FRMD6: variants seen among roughly 807,000 people sequenced by gnomAD.
FRMD6 encodes the protein FERM domain-containing protein 6.
A neutral mutation model predicts 73.2 loss-of-function variants in FRMD6; 37 were observed. That is an observed-to-expected ratio of 0.51 (90% CI 0.39 to 0.66). The LOEUF (loss-of-function observed/expected upper bound fraction) is 0.66. FRMD6 is among the 30% of genes least tolerant of loss of function. The probability of loss-of-function intolerance (pLI) is 0.00; values close to 1 mark genes in which losing one functional copy is unlikely to be tolerated. For missense variants in FRMD6, 714 were observed against 780.5 expected (o/e 0.91, Z 1.02); for synonymous variants, 273 against 282.2 (o/e 0.97, Z 0.33).
At chr14:51,433,500 A>T in the FRMD6 span, among the ~76,000 whole-genome samples, 1 of 152,264 alleles carries the variant, frequency 6.6e-6, no homozygotes, top group Non-Finnish European at 1.5e-5. Flanking sequence ...AAAAGCTCAT[A>T]TCATACTAAA....
At chr14:51,503,855 G>GTT (rs113090830) in intron 1 of FRMD6, among the ~76,000 whole-genome samples, 1 of 147,094 alleles carries the variant, frequency 6.8e-6, no homozygotes, top group Non-Finnish European at 1.5e-5. Context: ...TTGGTTTTGG[G>GTT]TTTTTTTTTG....
the FRMD6 span, among the ~76,000 whole-genome samples, chr14:51,398,386 G>A: frequency 1.3e-5 from 2 of 152,092 alleles, no homozygotes; most frequent in Non-Finnish European, 2.9e-5. Flanking sequence ...ACAAGGCAAA[G>A]CCAATTTTCT....
intron 2 of FRMD6, among the ~76,000 whole-genome samples, chr14:51,615,161 T>A (rs988721065): frequency 6.6e-6 from 1 of 152,200 alleles, no homozygotes; most frequent in Admixed American, 6.5e-5. Flanking sequence ...TAGTCCAGCC[T>A]GTTCTAGCTG....
intron 1 of FRMD6, among the ~76,000 whole-genome samples, chr14:51,525,070 AATAGATAGATAGATAGATAG>A (rs75865493): frequency 3.4e-4 from 35 of 102,020 alleles, no homozygotes; most frequent in African/African-American, 1.3e-3. Flanking sequence ...AGACAAATAG[AATAGATAGATAGATAGATAG>A]ATAGATAGAT....
At chr14:51,436,478 A>T in the FRMD6 span, 3 of 615,864 alleles carry the variant, frequency 4.9e-6, no homozygotes, top group South Asian at 4.8e-5. Context: ...CTTACTTTGG[A>T]AATAAAATTC....
the FRMD6 span, among the ~76,000 whole-genome samples, chr14:51,444,139 G>T: frequency 1.3e-5 from 2 of 152,164 alleles, no homozygotes; most frequent in Admixed American, 1.3e-4. Flanking sequence ...ATGTTGACCA[G>T]GCTGGTCTCG....
At chr14:51,610,175 C>G (rs764209579) in intron 2 of FRMD6, among the ~76,000 whole-genome samples, 1 of 152,088 alleles carries the variant, frequency 6.6e-6, no homozygotes, top group Non-Finnish European at 1.5e-5. Context: ...CCCAGGGCAG[C>G]CCTCGGCCAA....
intron 1 of FRMD6, among the ~76,000 whole-genome samples, chr14:51,532,024 G>A (rs1306411857): frequency 1.3e-5 from 2 of 152,010 alleles, no homozygotes; most frequent in Non-Finnish European, 1.5e-5. Flanking sequence ...CCACCACATC[G>A]CTGAATATCT....
intron 2 of FRMD6, among the ~76,000 whole-genome samples, chr14:51,596,652 G>C (rs1408922550): frequency 6.6e-6 from 1 of 152,152 alleles, no homozygotes; most frequent in Non-Finnish European, 1.5e-5. Flanking sequence ...GAGTCTCAAG[G>C]CTCATGGTTA....
chr14:51,689,093 GAC>G (rs917960522), intron 1 of FRMD6, among the ~76,000 whole-genome samples: 1 of 152,162 alleles, frequency 6.6e-6, no homozygotes, highest in African/African-American at 2.4e-5. Context: ...AAGCAGGAGA[GAC>G]AGAGCTATAA....
chr14:51,670,530 A>G (rs1427983761), intron 1 of FRMD6, among the ~76,000 whole-genome samples: 1 of 152,326 alleles, frequency 6.6e-6, no homozygotes, highest in South Asian at 2.1e-4. Context: ...CATGTTTAAC[A>G]CTAATTGAAC....
intron 2 of FRMD6, among the ~76,000 whole-genome samples, chr14:51,623,683 G>A (rs891997675): frequency 2.6e-5 from 4 of 152,134 alleles, no homozygotes; most frequent in Non-Finnish European, 5.9e-5. Context: ...CACCATTCAC[G>A]CCTTGTTCCA....
intron 1 of FRMD6, among the ~76,000 whole-genome samples, chr14:51,525,699 G>A (rs988602623): frequency 6.6e-6 from 1 of 152,080 alleles, no homozygotes. Context: ...TGTGTTAATT[G>A]CATCACCATA....
At chr14:51,397,964 C>T in the FRMD6 span, among the ~76,000 whole-genome samples, 1 of 151,956 alleles carries the variant, frequency 6.6e-6, no homozygotes, top group African/African-American at 2.4e-5. Context: ...CACTTCTGGT[C>T]CCAAGCATTT....
the FRMD6 span, among the ~76,000 whole-genome samples, chr14:51,471,425 CAGG>C: frequency 6.6e-6 from 1 of 151,174 alleles, no homozygotes. Context: ...GGCGTGAACC[CAGG>C]AGGCGGAGCT....
chr14:51,699,578 C>T (rs571987474), intron 3 of FRMD6, among the ~76,000 whole-genome samples: 2 of 152,046 alleles, frequency 1.3e-5, no homozygotes, highest in East Asian at 1.9e-4. Context: ...GTTCTAATTC[C>T]GGTTGCACCC....
intron 7 of FRMD6, 35 bp downstream of exon 7, chr14:51,708,268 A>G: frequency 6.3e-7 from 1 of 1,591,364 alleles, no homozygotes; most frequent in Non-Finnish European, 8.6e-7. Flanking sequence ...AGCTTCTGAG[A>G]AAAAAACATC....
intron 1 of FRMD6, among the ~76,000 whole-genome samples, chr14:51,565,049 G>C (rs1887699546): frequency 6.6e-6 from 1 of 152,172 alleles, no homozygotes; most frequent in Non-Finnish European, 1.5e-5. Context: ...CCTTGGAAAA[G>C]TTTTTATAAT....
the FRMD6 span, among the ~76,000 whole-genome samples, chr14:51,402,137 G>T: frequency 6.6e-6 from 1 of 152,184 alleles, no homozygotes. Context: ...GATAAATTCT[G>T]TTCATATAAA....
Sources: gnomAD v4.1 joint callset for allele counts (sites outside exome capture counted in the v4.1 genomes callset) on GRCh38, gnomAD v4.1.1 for gene constraint, MANE v1.5 for transcripts, NCBI Gene and HGNC (gene_info 2026-07-23, HGNC 2026-07-21) for gene names.